The following SMAP1 variants were observed in gnomAD, a reference collection of about 807,000 sequenced individuals.
The protein encoded by SMAP1 is small ArfGAP 1.
A neutral mutation model predicts 58.5 loss-of-function variants in SMAP1; 24 were observed. The observed-to-expected ratio is 0.41, with a 90% CI of 0.30 to 0.58. SMAP1 has a LOEUF of 0.58. SMAP1 is among the 20% of genes least tolerant of loss of function. The pLI, the probability that SMAP1 is intolerant of heterozygous loss-of-function variation, is 0.29. For synonymous variants in SMAP1, 216 were observed against 196.6 expected, an observed-to-expected ratio of 1.10 and a Z score of -0.82; for missense variants, 563 against 566.3, an observed-to-expected ratio of 0.99 and a Z score of 0.06.
Position 70,857,931 on chromosome 6 carries a change from T to C in SMAP1, c.971T>C (p.Met324Thr). ...IQQQSTPGVF[M>T]GPTNIPFTSQ... ...TCTTTTTGTGGTGCAGGTGTATTTA[T>C]GGGACCCACAAATATACCATTTACC... is the stretch of plus-strand genomic sequence containing the variant. Residue 324 changes from methionine (M) to threonine (T), a missense_variant, in exon 10 of 11, where the codon ATG becomes ACG. Physicochemically the swap from Met to Thr is moderately conservative, Grantham distance 81. Around this residue, in one of 3 missense-constraint regions of SMAP1, gnomAD observed 494 missense variants for 473.8 expected, o/e 1.04. Coordinates refer to ENST00000370455, the MANE Select transcript of SMAP1 (RefSeq NM_001044305.3). 1 of 1,613,930 alleles carries C rather than the reference T, an allele frequency of 6.2e-7. No individual in the cohort carries two copies. The highest frequency in any genetic ancestry group is 8.5e-7 in the Non-Finnish European group (1 of 1,179,886).
chr6:70,744,567 T>G (rs1380505992), intron 2 of SMAP1, among the ~76,000 whole-genome samples: 1 of 152,246 alleles, frequency 6.6e-6, no homozygotes, highest in Non-Finnish European at 1.5e-5. Context: ...TAATCCAGTC[T>G]ATCATTGATG....
chr6:70,735,293 G>C (rs1310557587), intron 2 of SMAP1, among the ~76,000 whole-genome samples: 2 of 152,092 alleles, frequency 1.3e-5, no homozygotes, highest in African/African-American at 4.8e-5. Context: ...TTCCAGTCAA[G>C]TCCCCCAGGG....
chr6:70,785,665 G>A (rs367549073), intron 4 of SMAP1, among the ~76,000 whole-genome samples: 8 of 152,080 alleles, frequency 5.3e-5, no homozygotes, highest in African/African-American at 1.9e-4. Flanking sequence ...CAGAGAATAC[G>A]ACAAACACCT....
chr6:70,834,437 C>G (rs1015900104), intron 6 of SMAP1, among the ~76,000 whole-genome samples: 4 of 151,192 alleles, frequency 2.6e-5, no homozygotes, highest in Admixed American at 6.6e-5. Flanking sequence ...TCCTGTATTC[C>G]TATTTGGCAC....
intron 2 of SMAP1, among the ~76,000 whole-genome samples, chr6:70,732,853 C>A (rs922880609): frequency 2.6e-5 from 4 of 151,836 alleles, no homozygotes; most frequent in African/African-American, 9.7e-5. Context: ...AAATAAAAAA[C>A]CACCTGTAGC....
intron 1 of SMAP1, among the ~76,000 whole-genome samples, chr6:70,701,991 A>G (rs1767647955): frequency 6.6e-6 from 1 of 152,198 alleles, no homozygotes; most frequent in African/African-American, 2.4e-5. Flanking sequence ...TTAGTATGGC[A>G]AAAAGTTCTA....
At chr6:70,847,352 A>G (rs1054026850) in intron 7 of SMAP1, among the ~76,000 whole-genome samples, 19 of 152,282 alleles carry the variant, frequency 1.2e-4, no homozygotes, top group Non-Finnish European at 2.1e-4. Context: ...CACTGATTTT[A>G]ACAATTTTTT....
intron 6 of SMAP1, among the ~76,000 whole-genome samples, chr6:70,819,678 A>T (rs1024484859): frequency 1.3e-5 from 2 of 152,216 alleles, no homozygotes; most frequent in East Asian, 3.8e-4. Flanking sequence ...ATGAGAGTCA[A>T]ATTGAATGCT....
intron 7 of SMAP1, among the ~76,000 whole-genome samples, chr6:70,845,310 C>T (rs1413900643): frequency 2.0e-5 from 3 of 152,160 alleles, no homozygotes; most frequent in East Asian, 1.9e-4. Context: ...GAAGATGCAG[C>T]TCTGTGTGTT....
At chr6:70,837,203 G>A (rs1348655280) in intron 7 of SMAP1, among the ~76,000 whole-genome samples, 175 bp downstream of exon 7, 1 of 152,190 alleles carries the variant, frequency 6.6e-6, no homozygotes. Context: ...TAATAAGGGA[G>A]CCAGTGTCTG....
At chr6:70,769,156 G>C (rs1363187314) in intron 3 of SMAP1, among the ~76,000 whole-genome samples, 2 of 152,158 alleles carry the variant, frequency 1.3e-5, no homozygotes, top group Non-Finnish European at 2.9e-5. Flanking sequence ...TTGCTGAGGA[G>C]AGCTTTACTT....
At chr6:70,777,389 T>C (rs1171444006) in intron 4 of SMAP1, among the ~76,000 whole-genome samples, 4 of 152,228 alleles carry the variant, frequency 2.6e-5, no homozygotes, top group Non-Finnish European at 4.4e-5. Context: ...ACCTTTTTTA[T>C]GTACTTGTTG....
At chr6:70,819,961 A>G (rs1215898345) in intron 6 of SMAP1, among the ~76,000 whole-genome samples, 1 of 152,206 alleles carries the variant, frequency 6.6e-6, no homozygotes, top group Non-Finnish European at 1.5e-5. Flanking sequence ...AAGGCTCTAT[A>G]GGATAGTGGC....
chr6:70,700,191 T>C (rs546291753), intron 1 of SMAP1, among the ~76,000 whole-genome samples: 1 of 152,192 alleles, frequency 6.6e-6, no homozygotes, highest in Non-Finnish European at 1.5e-5. Flanking sequence ...CCATATGGCC[T>C]GCAAGCACCT....
At chr6:70,816,173 C>T (rs1445743376) in intron 6 of SMAP1, among the ~76,000 whole-genome samples, 3 of 151,882 alleles carry the variant, frequency 2.0e-5, no homozygotes, top group Admixed American at 6.6e-5. Flanking sequence ...GAGCAACAGG[C>T]AGAGAGAAGA....
At chr6:70,701,108 T>A (rs1329212421) in intron 1 of SMAP1, among the ~76,000 whole-genome samples, 3 of 151,714 alleles carry the variant, frequency 2.0e-5, no homozygotes, top group African/African-American at 4.8e-5. Flanking sequence ...ATTGGGGGAG[T>A]GGTGATGCAA....
chr6:70,768,323 T>C (rs944736743), intron 3 of SMAP1, among the ~76,000 whole-genome samples: 2 of 152,226 alleles, frequency 1.3e-5, no homozygotes, highest in Non-Finnish European at 2.9e-5. Context: ...TCAGAAGGAA[T>C]GGTGCCAGTT....
intron 1 of SMAP1, among the ~76,000 whole-genome samples, chr6:70,702,265 A>G (rs1014934484): frequency 6.6e-6 from 1 of 150,992 alleles, no homozygotes; most frequent in Non-Finnish European, 1.5e-5. Context: ...TTTTCAATGC[A>G]TTTGGAAAAA....
At chr6:70,856,020 C>T (rs891001624) in intron 8 of SMAP1, among the ~76,000 whole-genome samples, 1 of 152,118 alleles carries the variant, frequency 6.6e-6, no homozygotes, top group Non-Finnish European at 1.5e-5. Flanking sequence ...ATTTAATTTC[C>T]ACTTGCAACT....
Sources: allele counts gnomAD v4.1 joint callset (sites outside exome capture counted in the v4.1 genomes callset), GRCh38; gene constraint gnomAD v4.1.1; regional missense constraint gnomAD v4.1.1; transcripts MANE v1.5; gene names NCBI Gene and HGNC (gene_info 2026-07-23, HGNC 2026-07-21).